ERC1: variants seen among roughly 807,000 people sequenced by gnomAD.
The protein encoded by ERC1 is RAB6 interacting protein 2.
In ERC1, 56 loss-of-function variants were observed where a neutral mutation model predicts 132.0. That is an observed-to-expected ratio of 0.42 (90% CI 0.34 to 0.53). The LOEUF (loss-of-function observed/expected upper bound fraction) is 0.53. Among genes scored for constraint, ERC1 ranks in the 20% least tolerant of loss-of-function variants. The pLI is 0.03. For missense variants in ERC1, 1,202 were observed against 1,349.9 expected (o/e 0.89, Z 1.72); for synonymous variants, 478 against 476.1 (o/e 1.00, Z -0.05).
chr12:1,348,750 G>T (rs1051651200), intron 15 of ERC1, among the ~76,000 whole-genome samples: 3 of 151,940 alleles, frequency 2.0e-5, no homozygotes, highest in African/African-American at 4.8e-5. Flanking sequence ...TCCTACTCAG[G>T]ACTTACAAAG....
chr12:1,300,717 T>C (rs1288367082), intron 15 of ERC1, among the ~76,000 whole-genome samples: 1 of 152,190 alleles, frequency 6.6e-6, no homozygotes, highest in African/African-American at 2.4e-5. Flanking sequence ...AAGTCACTGA[T>C]TATTAGATAA....
intron 8 of ERC1, among the ~76,000 whole-genome samples, chr12:1,143,971 T>C (rs74057271): frequency 0.03 from 4,514 of 152,250 alleles, 228 homozygotes; most frequent in African/African-American, 0.1. Context: ...GGATTTTTTT[T>C]TAGTTTATTC....
chr12:1,326,272 T>C (rs2082438478), intron 15 of ERC1, among the ~76,000 whole-genome samples: 3 of 152,166 alleles, frequency 2.0e-5, no homozygotes, highest in African/African-American at 7.2e-5. Context: ...TAAGTCAGAA[T>C]CTGGCCCAAG....
chr12:1,047,041 A>G (rs989660937), intron 2 of ERC1, among the ~76,000 whole-genome samples: 1 of 152,176 alleles, frequency 6.6e-6, no homozygotes, highest in African/African-American at 2.4e-5. Context: ...ATGCATGAAC[A>G]TTTGGTGTAT....
chr12:1,095,721 T>C (rs372528170), intron 3 of ERC1, among the ~76,000 whole-genome samples: 6 of 152,178 alleles, frequency 3.9e-5, no homozygotes, highest in African/African-American at 1.4e-4. Flanking sequence ...CTATTGACAA[T>C]GCGGGAGGCA....
intron 17 of ERC1, among the ~76,000 whole-genome samples, chr12:1,429,259 G>C (rs748305157): frequency 6.6e-6 from 1 of 152,168 alleles, no homozygotes; most frequent in Non-Finnish European, 1.5e-5. Context: ...AAGTTATTAA[G>C]ATTTTGCTGT....
rs116042767 is a variant in ERC1, at chr12:1,419,112, C to T, written c.3024+10865C>T. ...TAGTCTCTGTTATAGGGTTCTCCCC[C>T]ATTAACCTAGCAGTGGATGAAAAAA... is the stretch of plus-strand genomic sequence containing the variant. On this transcript the variant is annotated intron_variant, in intron 17 of 18. Coordinates refer to ENST00000360905, the MANE Select transcript of ERC1 (RefSeq NM_178040.4). Among the ~76,000 whole-genome samples, 967 of 152,194 alleles carry T rather than the reference C, an allele frequency of 6.4e-3. 14 individuals carry two copies. Among genetic ancestry groups the T allele is most frequent in the African/African-American group, 0.022 (914 of 41,516 alleles).
intron 15 of ERC1, among the ~76,000 whole-genome samples, chr12:1,328,018 G>C (rs1340721856): frequency 6.6e-6 from 1 of 151,994 alleles, no homozygotes. Context: ...TCTCTTCACA[G>C]GAATTATTCT....
At position 1,062,218 on chromosome 12, in the gene ERC1, C is replaced by T. The variant is rs186433181; in HGVS notation, c.670-20946C>T. On this transcript the variant is annotated intron_variant, in intron 2 of 18. Transcript: ENST00000360905. ...CAGGATGGTCTTGATCTCCAGACCT[C>T]GTGATCTGCCCGCCTCGGCCCCCGA... 3.7e-3 allele frequency among the ~76,000 whole-genome samples: 566 copies of T among 152,072 alleles called. 2 individuals are homozygous for T. The highest frequency in any genetic ancestry group is 6.3e-3 in the Non-Finnish European group (429 of 67,992).
chr12:1,038,080 AT>A (rs1329498780), intron 2 of ERC1, among the ~76,000 whole-genome samples: 22 of 152,082 alleles, frequency 1.4e-4, no homozygotes, highest in African/African-American at 5.3e-4. Context: ...AACTATTTCC[AT>A]TTGATGAAAG....
chr12:1,361,373 C>T (rs1028301273), intron 15 of ERC1, among the ~76,000 whole-genome samples: 6 of 151,842 alleles, frequency 4.0e-5, no homozygotes, highest in East Asian at 1.9e-4. Context: ...CAAACATGCA[C>T]ATTGTGCACA....
At chr12:1,122,973 A>G (rs1396491838) in intron 7 of ERC1, among the ~76,000 whole-genome samples, 1 of 152,114 alleles carries the variant, frequency 6.6e-6, no homozygotes, top group African/African-American at 2.4e-5. Context: ...ACAGATGATC[A>G]TGCCAGAGGC....
rs1953715380 is a variant in ERC1 at position 1,176,350 on chromosome 12, G to A, written c.1738-4190G>A. On this transcript the variant is annotated intron_variant, in intron 8 of 18. Coordinates refer to ENST00000360905, the MANE Select transcript of ERC1 (RefSeq NM_178040.4). Reference sequence around the variant, plus strand: ...TCTGAGCAGTAGGTCTCCACAGTGGGTTTAATACACCAAGTACACCATGTT... The same window carrying A: ...TCTGAGCAGTAGGTCTCCACAGTGGATTTAATACACCAAGTACACCATGTT... Among the ~76,000 whole-genome samples the A allele has an allele frequency of 2.6e-5, 4 of 152,130 alleles. No homozygotes were observed. The South Asian group carries it at 8.3e-4, about 32-fold the overall frequency.
chr12:1,183,862 A>C lies in ERC1; in HGVS notation c.2157+441A>C, dbSNP rs1954762376. Among the ~76,000 whole-genome samples the C allele has an allele frequency of 2.6e-5, 4 of 151,586 alleles. No individual in the cohort carries two copies. In the South Asian group the frequency reaches 8.3e-4, roughly 32 times the overall value. On this transcript the variant is annotated intron_variant, in intron 11 of 18. Transcript: ENST00000360905. The stretch of plus-strand genomic sequence containing the variant: ...ACCCCATCTCTTAAAAAAAGAAAAA[A>C]CGGTGGCTCATGCCTGTAATCCCAG...
At chr12:1,430,545 T>C (rs538030400) in intron 17 of ERC1, 1 of 152,152 alleles carries the variant, frequency 6.6e-6, no homozygotes, top group South Asian at 2.1e-4. Context: ...ACTTGGCTAA[T>C]TTTTTTGTAT....
At chr12:1,104,083 A>G (rs1304674228) in intron 3 of ERC1, among the ~76,000 whole-genome samples, 1 of 151,548 alleles carries the variant, frequency 6.6e-6, no homozygotes, top group African/African-American at 2.4e-5. Flanking sequence ...AGGCTCTGAT[A>G]TCCCTTCCTT....
At chr12:1,180,751 A>G in intron 9 of ERC1, 74 bp downstream of exon 9, 3 of 1,559,826 alleles carry the variant, frequency 1.9e-6, no homozygotes, top group Non-Finnish European at 2.6e-6. Context: ...ATAGAATACA[A>G]AAGAAATCCC....
At chr12:1,125,952 C>T (rs1948116918) in intron 7 of ERC1, among the ~76,000 whole-genome samples, 1 of 152,034 alleles carries the variant, frequency 6.6e-6, no homozygotes, top group African/African-American at 2.4e-5. Flanking sequence ...TTCATGGAGA[C>T]AGAAAGTAGA....
chr12:1,457,708 A>G (rs2093567426), intron 18 of ERC1, among the ~76,000 whole-genome samples: 1 of 152,018 alleles, frequency 6.6e-6, no homozygotes, highest in Admixed American at 6.6e-5. Context: ...ATAGAGTCAT[A>G]CACTTTAAAA....
Sources: gnomAD v4.1 joint callset for allele counts (sites outside exome capture counted in the v4.1 genomes callset) on GRCh38, gnomAD v4.1.1 for gene constraint, MANE v1.5 for transcripts, NCBI Gene and HGNC (gene_info 2026-07-23, HGNC 2026-07-21) for gene names.